BICDL2: variants seen among roughly 807,000 people sequenced by gnomAD.
BICDL2 encodes BICD family like cargo adaptor 2.
In BICDL2, 62 loss-of-function variants were observed where a neutral mutation model predicts 56.6. The observed-to-expected ratio is 1.10, with a 90% CI of 0.89 to 1.35. BICDL2 has a LOEUF of 1.35. Ranked by LOEUF, BICDL2 falls within the 40% of genes most tolerant of loss-of-function variation. The pLI is 0.00. For missense variants in BICDL2, 808 were observed against 684.5 expected, an observed-to-expected ratio of 1.18 and a Z score of -2.01; for synonymous variants, 358 against 319.8, an observed-to-expected ratio of 1.12 and a Z score of -1.27.
At chr16:3,034,373 G>T (rs1367882109) in intron 2 of BICDL2, among the ~76,000 whole-genome samples, 1 of 152,142 alleles carries the variant, frequency 6.6e-6, no homozygotes, top group Non-Finnish European at 1.5e-5. Flanking sequence ...CTGCCTCCCA[G>T]GTTCAAGTGA....
intron 2 of BICDL2, 108 bp downstream of exon 2, chr16:3,035,107 C>T (rs1029634642): frequency 5.1e-6 from 6 of 1,176,662 alleles, no homozygotes; most frequent in Non-Finnish European, 7.0e-6. Flanking sequence ...GGCTGTCCTC[C>T]CCAGCTCCTC....
chr16:3,028,999 G>C (rs1195322662), intron 7 of BICDL2, among the ~76,000 whole-genome samples, 169 bp from the exon 8 acceptor site: 1 of 152,218 alleles, frequency 6.6e-6, no homozygotes, highest in African/African-American at 2.4e-5. Context: ...GAGCCCCTCA[G>C]GCTGGTGCGG....
chr16:3,030,602 A>G lies in BICDL2; in HGVS notation c.616-7T>C, dbSNP rs1187643482. ...GGCTCTGCAGCATCTGGTTCTGGGG[A>G]AAGGCCTGAGAGCTGGGGACAGGGG... is the stretch of plus-strand genomic sequence containing the variant. On this transcript the variant is annotated splice_polypyrimidine_tract_variant and splice_region_variant and intron_variant, in intron 4 of 9. Transcript: ENST00000572449. The G allele has an allele frequency of 6.3e-7, 1 of 1,597,148 alleles. No homozygotes were observed. Among genetic ancestry groups the G allele is most frequent in the Admixed American group, 1.7e-5 (1 of 58,424 alleles).
At chr16:3,030,339 G>T in intron 5 of BICDL2, 110 bp downstream of exon 5, 1 of 1,381,208 alleles carries the variant, frequency 7.2e-7, no homozygotes, top group Non-Finnish European at 9.7e-7. Context: ...TGCTCTTGTG[G>T]GCCAGCCTCT....
intron 2 of BICDL2, chr16:3,034,772 C>T (rs1307687262): frequency 6.3e-6 from 1 of 158,234 alleles, no homozygotes; most frequent in Non-Finnish European, 1.4e-5. Context: ...ATCATAGAAT[C>T]ATAGCTTACT....
In BICDL2 at chr16:3,035,535, C is replaced by T. The variant is rs560645771; in HGVS notation, c.-30-9G>A. On this transcript the variant is annotated splice_polypyrimidine_tract_variant and intron_variant, in intron 1 of 9. Transcript: ENST00000572449. The stretch of plus-strand genomic sequence containing the variant: ...TCTGCGGGGACAGGTGGCTGCGGGA[C>T]ACTCTACTCTGCAGCCTGACAGGGG... 3.2e-6 allele frequency: 5 copies of T among 1,573,722 alleles called. No individual in the cohort carries two copies. The East Asian group carries it at 6.7e-5, about 21-fold the overall frequency.
At chr16:3,036,657 C>T (rs1264680097) in intron 1 of BICDL2, 1 of 450,692 alleles carries the variant, frequency 2.2e-6, no homozygotes, top group African/African-American at 2.0e-5. Flanking sequence ...ACCGCTCCCC[C>T]TCCCCTTCCG....
intron 8 of BICDL2, 46 bp from the exon 9 acceptor site, chr16:3,028,514 CAGGG>C: frequency 6.4e-7 from 1 of 1,561,200 alleles, no homozygotes; most frequent in Non-Finnish European, 8.6e-7. Flanking sequence ...GCTAGGGCCT[CAGGG>C]AGCCGGGGTG....
intron 5 of BICDL2, 164 bp downstream of exon 5, chr16:3,030,285 C>T: frequency 1.2e-6 from 1 of 867,542 alleles, no homozygotes; most frequent in South Asian, 1.8e-5. Flanking sequence ...CTCACCTGCT[C>T]AACAGCCTTC....
intron 5 of BICDL2, 68 bp from the exon 6 acceptor site, chr16:3,029,807 G>A: frequency 1.5e-6 from 2 of 1,355,922 alleles, no homozygotes. Flanking sequence ...ACATCCCGCG[G>A]CAGGTCCACA....
At chr16:3,028,897 C>T (rs530468745) in intron 7 of BICDL2, 67 bp from the exon 8 acceptor site, 2 of 1,490,846 alleles carry the variant, frequency 1.3e-6, no homozygotes, top group African/African-American at 1.4e-5. Flanking sequence ...TCCCAGCAGC[C>T]CCGACTCTGG....
chr16:3,036,658 T>A, intron 1 of BICDL2: 3 of 387,288 alleles, frequency 7.7e-6, no homozygotes, highest in South Asian at 5.0e-5. Context: ...CCGCTCCCCC[T>A]CCCCTTCCGC....
Position 3,029,356 on chromosome 16 carries a change from G to T in BICDL2, c.1031C>A (p.Pro344His), listed in dbSNP as rs1359815172. The change falls in exon 7 of 10, where the codon CCC becomes CAC. Residue 344 changes from proline to histidine, a missense_variant. Coordinates refer to ENST00000572449, the MANE Select transcript of BICDL2 (RefSeq NM_001369667.1). Reference sequence around the variant, plus strand: ...TGGACTGAGGGATGTTCGCTTCTTGGGGGGCTCTAAGATCTCTTCCGGGGG... The same window carrying T: ...TGGACTGAGGGATGTTCGCTTCTTGTGGGGCTCTAAGATCTCTTCCGGGGG... ...PSPPEEILEPPKKRTSLSPAE... is the reference protein window; with the variant it reads ...PSPPEEILEPHKKRTSLSPAE... 2 of 1,610,782 alleles carry T rather than the reference G, an allele frequency of 1.2e-6. No homozygotes were observed. Among genetic ancestry groups the T allele is most frequent in the Non-Finnish European group, 1.7e-6 (2 of 1,179,442 alleles).
intron 5 of BICDL2, chr16:3,030,078 G>C: frequency 2.2e-6 from 1 of 459,652 alleles, no homozygotes; most frequent in East Asian, 3.8e-5. Context: ...ACCGGGATGC[G>C]AAGGAAGGCA....
In BICDL2 at chr16:3,029,380, G is replaced by A. The variant is rs747985543; in HGVS notation, c.1007C>T (p.Pro336Leu). 5 of 1,609,622 alleles carry A rather than the reference G, an allele frequency of 3.1e-6. No individual in the cohort carries two copies. The highest frequency in any genetic ancestry group is 4.2e-6 in the Non-Finnish European group (5 of 1,179,376). ...GGGGGGCTCTAAGATCTCTTCCGGG[G>A]GTGAAGGCTGGGGGCTGGACGCCTT... ...TRKASSPQPS[P>L]PEEILEPPKK... Residue 336 changes from proline (P) to leucine (L), a missense_variant, in exon 7 of 10, where the codon CCC becomes CTC. By Grantham distance (98) the Pro-to-Leu change is moderately conservative (BLOSUM62 -3). Coordinates refer to ENST00000572449, the MANE Select transcript of BICDL2 (RefSeq NM_001369667.1).
Position 3,028,439 on chromosome 16 carries a change from C to T in BICDL2, c.1268G>A (p.Arg423His), listed in dbSNP as rs772782127. 1.8e-5 allele frequency: 28 copies of T among 1,564,960 alleles called. No homozygotes were observed. Among genetic ancestry groups the T allele is most frequent in the East Asian group, 2.3e-5 (1 of 42,998 alleles). ...KALELSLQLNRVSLERDSLSR... is the reference protein window; with the variant it reads ...KALELSLQLNHVSLERDSLSR... ...CAGGGAGTCTCGCTCCAGCGAGACG[C>T]GGTTGAGCTGCAGGGACAGCTCCAG... is the stretch of plus-strand genomic sequence containing the variant. Residue 423 changes from arginine to histidine, a missense_variant, in exon 9 of 10, where the codon CGC becomes CAC. Physicochemically the swap from Arg to His is conservative, Grantham distance 29. Coordinates refer to ENST00000572449, the MANE Select transcript of BICDL2 (RefSeq NM_001369667.1).
chr16:3,035,030 C>A (rs1217625549), intron 2 of BICDL2, 185 bp downstream of exon 2: 2 of 620,090 alleles, frequency 3.2e-6, no homozygotes, highest in East Asian at 2.8e-5. Flanking sequence ...ATGTTCTTTG[C>A]CACTGGGCAA....
In BICDL2 at chr16:3,029,543, A is replaced by C; in HGVS notation, c.957+2T>G. On this transcript the variant is annotated splice_donor_variant, in intron 6 of 9. Transcript: ENST00000572449. LOFTEE classifies it high-confidence loss of function. ...AAGGGGGCTGGGGCCCCACGAGCTC[A>C]CCGGGGTGTCTCCGGGTGCGTCGGC... The C allele has an allele frequency of 6.4e-7, 1 of 1,553,140 alleles. No individual in the cohort carries two copies. The highest frequency in any genetic ancestry group is 8.7e-7 in the Non-Finnish European group (1 of 1,154,532).
intron 1 of BICDL2, chr16:3,036,678 C>T (rs1363773060): frequency 2.2e-6 from 1 of 451,924 alleles, no homozygotes; most frequent in African/African-American, 2.0e-5. Flanking sequence ...CACCTAGCTG[C>T]CCAGGTGTTG....
Sources: gnomAD v4.1 joint callset for allele counts (sites outside exome capture counted in the v4.1 genomes callset) on GRCh38, gnomAD v4.1.1 for gene constraint, MANE v1.5 for transcripts, NCBI Gene and HGNC (gene_info 2026-07-23, HGNC 2026-07-21) for gene names.